The following PHACTR1 variants were observed in gnomAD, a reference collection of about 807,000 sequenced individuals.
PHACTR1 encodes the protein phosphatase and actin regulator 1, also known as RPEL repeat containing 1.
Under a neutral mutation model 69.2 loss-of-function variants are expected in PHACTR1, and 16 were observed. The ratio of observed to expected loss-of-function variants is 0.23; its 90% CI spans 0.16 to 0.35. The LOEUF is 0.35. PHACTR1 is among the 10% of genes least tolerant of loss of function. The probability of loss-of-function intolerance (pLI) is 1.00; values close to 1 mark genes in which losing one functional copy is unlikely to be tolerated. For missense variants in PHACTR1, 510 were observed against 734.7 expected (o/e 0.69, Z 3.54); for synonymous variants, 312 against 284.5 (o/e 1.10, Z -0.97).
chr6:12,839,880 C>T (rs1412743), intron 4 of PHACTR1, among the ~76,000 whole-genome samples: 10 of 151,906 alleles, frequency 6.6e-5, no homozygotes, highest in African/African-American at 1.4e-4. Context: ...GAGTGTAGAG[C>T]GAACACGGCC....
intron 4 of PHACTR1, among the ~76,000 whole-genome samples, chr6:13,005,549 AT>A (rs920092308): frequency 2.6e-5 from 4 of 152,188 alleles, no homozygotes; most frequent in African/African-American, 9.7e-5. Context: ...CTCTATTGAA[AT>A]ATAATGTATA....
chr6:12,970,808 G>T (rs573958882), intron 4 of PHACTR1, among the ~76,000 whole-genome samples: 1 of 152,166 alleles, frequency 6.6e-6, no homozygotes, highest in South Asian at 2.1e-4. Flanking sequence ...CATCTTTTTT[G>T]CCAGCAGTAT....
chr6:13,034,315 C>T (rs1424622001), intron 4 of PHACTR1, among the ~76,000 whole-genome samples: 2 of 152,216 alleles, frequency 1.3e-5, no homozygotes. Context: ...CCACGCCCGG[C>T]CAGGACTTTT....
intron 4 of PHACTR1, among the ~76,000 whole-genome samples, chr6:12,865,523 A>G (rs889119037): frequency 6.6e-6 from 1 of 150,872 alleles, no homozygotes; most frequent in South Asian, 2.1e-4. Context: ...GGCTCTTTTA[A>G]TCTTTGATTC....
intron 4 of PHACTR1, among the ~76,000 whole-genome samples, chr6:13,048,591 A>G (rs1234627394): frequency 1.4e-5 from 2 of 147,304 alleles, no homozygotes; most frequent in East Asian, 4.0e-4. Context: ...CTGGAGTGTA[A>G]TGGTGCAATC....
At chr6:12,731,478 C>T (rs1425394564) in intron 3 of PHACTR1, among the ~76,000 whole-genome samples, 4 of 152,188 alleles carry the variant, frequency 2.6e-5, no homozygotes, top group Admixed American at 6.5e-5. Flanking sequence ...CCAAACATCA[C>T]ACTGCAAGAG....
intron 10 of PHACTR1, among the ~76,000 whole-genome samples, chr6:13,262,673 GA>G (rs1197808982): frequency 2.0e-5 from 3 of 152,142 alleles, no homozygotes; most frequent in Admixed American, 6.5e-5. Context: ...ATGTAGAGGG[GA>G]TAGAATTCAG....
chr6:13,080,993 A>G (rs575124888), intron 5 of PHACTR1, among the ~76,000 whole-genome samples: 91 of 152,346 alleles, frequency 6.0e-4, no homozygotes, highest in African/African-American at 2.1e-3. Context: ...AATTTGTTAC[A>G]TCAACATTAA....
intron 8 of PHACTR1, among the ~76,000 whole-genome samples, chr6:13,218,839 G>T (rs937003751): frequency 6.9e-6 from 1 of 144,142 alleles, no homozygotes; most frequent in Non-Finnish European, 1.5e-5. Context: ...AAAAAGAGGA[G>T]GAGGAGGAGG....
chr6:13,284,930 A>G lies in PHACTR1; in HGVS notation c.1651-1216A>G, dbSNP rs149748097. On this transcript the variant is annotated intron_variant, in intron 13 of 14. Transcript: ENST00000332995. ...AGACTGTGCCCTCCTCTGTAAACAC[A>G]GCATTCACATCTTCTCTGCAAGGGA... Among the ~76,000 whole-genome samples, 47 of 152,286 alleles carry G rather than the reference A, an allele frequency of 3.1e-4. No homozygotes were observed. The East Asian group carries it at 8.1e-3, about 26-fold the overall frequency.
intron 6 of PHACTR1, among the ~76,000 whole-genome samples, chr6:13,180,533 T>C (rs1170303461): frequency 6.6e-6 from 1 of 152,228 alleles, no homozygotes; most frequent in African/African-American, 2.4e-5. Context: ...TGTTAAAATG[T>C]ATGGCAATCA....
intron 4 of PHACTR1, among the ~76,000 whole-genome samples, chr6:12,923,495 G>C (rs1453726654): frequency 6.6e-6 from 1 of 152,204 alleles, no homozygotes; most frequent in Non-Finnish European, 1.5e-5. Context: ...TCTGCAGCAT[G>C]ATCCAAAAGA....
chr6:13,240,438 T>TTTTTGTTTTG (rs567004417), intron 10 of PHACTR1, among the ~76,000 whole-genome samples: 22 of 152,122 alleles, frequency 1.4e-4, no homozygotes, highest in African/African-American at 5.3e-4. Flanking sequence ...TGTTGTTGTT[T>TTTTTGTTTTG]TTTTGTTTTG....
intron 10 of PHACTR1, among the ~76,000 whole-genome samples, chr6:13,240,383 G>A (rs1772649993): frequency 6.6e-6 from 1 of 152,000 alleles, no homozygotes; most frequent in African/African-American, 2.4e-5. Flanking sequence ...GCAGAAGGCA[G>A]AAGAAAGGCT....
rs906939595 is a variant in PHACTR1, at chr6:13,129,088, T to C, written c.416-31116T>C. 2.0e-5 allele frequency among the ~76,000 whole-genome samples: 3 copies of C among 152,292 alleles called. No individual in the cohort carries two copies. The East Asian group carries it at 5.8e-4, about 29-fold the overall frequency. ...AATGAAGGAGAGATAAAGCCTTTTT[T>C]CAGACAAACAAATGCTGAGAGAATT... On this transcript the variant is annotated intron_variant, in intron 5 of 14. Transcript: ENST00000332995.
At chr6:12,739,630 C>T (rs1459045781) in intron 3 of PHACTR1, among the ~76,000 whole-genome samples, 1 of 152,156 alleles carries the variant, frequency 6.6e-6, no homozygotes, top group African/African-American at 2.4e-5. Context: ...GACTCAGCCT[C>T]TTGGTACAAG....
At chr6:13,266,541 T>G (rs1776736259) in intron 10 of PHACTR1, 1 of 152,474 alleles carries the variant, frequency 6.6e-6, no homozygotes, top group Non-Finnish European at 1.5e-5. Flanking sequence ...CTGGGTAGTT[T>G]ATAACGAAAA....
chr6:12,730,051 T>C (rs755808981), intron 3 of PHACTR1, among the ~76,000 whole-genome samples: 6 of 152,150 alleles, frequency 3.9e-5, no homozygotes. Flanking sequence ...GGAGATCCTA[T>C]GGAACAGCCA....
At chr6:12,761,631 T>C (rs1768025919) in intron 4 of PHACTR1, among the ~76,000 whole-genome samples, 1 of 152,214 alleles carries the variant, frequency 6.6e-6, no homozygotes, top group Non-Finnish European at 1.5e-5. Context: ...ACTAGGACCA[T>C]GTGATTTGCC....
Sources: gnomAD v4.1 joint callset for allele counts (sites outside exome capture counted in the v4.1 genomes callset) on GRCh38, gnomAD v4.1.1 for gene constraint, MANE v1.5 for transcripts, NCBI Gene and HGNC (gene_info 2026-07-23, HGNC 2026-07-21) for gene names.